RPS6KB1: variants seen among roughly 807,000 people sequenced by gnomAD.
RPS6KB1 encodes the protein ribosomal protein S6 kinase B1.
RPS6KB1 carries 12 observed loss-of-function variants against 70.2 expected under a neutral mutation model. The ratio of observed to expected loss-of-function variants is 0.17; its 90% CI spans 0.11 to 0.28. RPS6KB1 has a LOEUF of 0.28. Ranked by LOEUF, RPS6KB1 falls within the 10% of genes least tolerant of loss-of-function variation. The pLI, the probability that RPS6KB1 is intolerant of heterozygous loss-of-function variation, is 1.00. For synonymous variants in RPS6KB1, 175 were observed against 211.2 expected (o/e 0.83, Z 1.49); for missense variants, 270 against 646.6 (o/e 0.42, Z 6.32).
intron 4 of RPS6KB1, among the ~76,000 whole-genome samples, chr17:59,920,044 G>C (rs2043180362): frequency 6.6e-6 from 1 of 151,556 alleles, no homozygotes; most frequent in Admixed American, 6.6e-5. Context: ...TTATGTGTGT[G>C]TTTGTTTTCT....
intron 1 of RPS6KB1, among the ~76,000 whole-genome samples, chr17:59,910,168 C>T (rs956613747): frequency 6.8e-6 from 1 of 146,342 alleles, no homozygotes; most frequent in Non-Finnish European, 1.5e-5. Flanking sequence ...GTCTGGGTGA[C>T]AGAGTGAGAC....
At chr17:59,911,329 T>C (rs2042619932) in intron 2 of RPS6KB1, among the ~76,000 whole-genome samples, 1 of 152,140 alleles carries the variant, frequency 6.6e-6, no homozygotes, top group South Asian at 2.1e-4. Flanking sequence ...AGCATTTAAA[T>C]GACAGAGACA....
intron 1 of RPS6KB1, among the ~76,000 whole-genome samples, chr17:59,903,162 C>T (rs1302386813): frequency 1.3e-5 from 2 of 151,844 alleles, no homozygotes; most frequent in South Asian, 2.1e-4. Flanking sequence ...AAAAATTAGC[C>T]GGGCGTGGTG....
chr17:59,897,602 A>C (rs988371846), intron 1 of RPS6KB1, among the ~76,000 whole-genome samples: 8 of 152,202 alleles, frequency 5.3e-5, no homozygotes, highest in Non-Finnish European at 1.2e-4. Context: ...TTATTTAATT[A>C]GAGATTAAAA....
chr17:59,947,464 A>G lies in RPS6KB1; in HGVS notation c.*676A>G. 1 of 1,368,754 alleles carries G rather than the reference A, an allele frequency of 7.3e-7. No homozygotes were observed. The highest frequency in any genetic ancestry group is 2.9e-5 in the East Asian group (1 of 34,822). The allele number at this position is 1,368,754 out of a possible 1,614,324, so 84.8% of individuals were successfully genotyped here. ...AAATGCAAATGAATCATTGTTAACC[A>G]CAGCTGTGGCTCGTTTGAGGGATTG... On this transcript the variant is annotated 3_prime_UTR_variant, in exon 15 of 15. Transcript: ENST00000225577.
rs1285669933 is a variant in RPS6KB1 at position 59,950,277 on chromosome 17, A to C, written c.*3489A>C. Reference sequence around the variant, plus strand: ...ATCCCAAGTTCGCTTTGCATCTATCAGTAAATAAAATTCTTCAGCTGCCTT... The same window carrying C: ...ATCCCAAGTTCGCTTTGCATCTATCCGTAAATAAAATTCTTCAGCTGCCTT... On this transcript the variant is annotated 3_prime_UTR_variant, in exon 15 of 15. Coordinates refer to ENST00000225577, the MANE Select transcript of RPS6KB1 (RefSeq NM_003161.4). 1 of 152,598 alleles carries C rather than the reference A, an allele frequency of 6.6e-6. No individual in the cohort carries two copies. Among genetic ancestry groups the C allele is most frequent in the African/African-American group, 2.4e-5 (1 of 41,464 alleles). 9.5% of individuals were successfully genotyped at this position (152,598 alleles called of 1,614,324 possible).
At chr17:59,912,595 T>G in intron 2 of RPS6KB1, 89 bp from the exon 3 acceptor site, 2 of 1,359,492 alleles carry the variant, frequency 1.5e-6, no homozygotes, top group Non-Finnish European at 2.0e-6. Flanking sequence ...TTACTTAGAT[T>G]ACATTTCTCT....
Position 59,935,587 on chromosome 17 carries a change from G to A in RPS6KB1, c.978+287G>A, listed in dbSNP as rs141795068. Among the ~76,000 whole-genome samples the A allele has an allele frequency of 4.7e-3, 709 of 151,556 alleles. 8 individuals carry two copies. The highest frequency in any genetic ancestry group is 0.018 in the South Asian group (86 of 4,794). On this transcript the variant is annotated intron_variant, in intron 10 of 14. Transcript: ENST00000225577. The stretch of plus-strand genomic sequence containing the variant: ...TCTCCCAGGTTCAAGCGATTCTTCC[G>A]CCTCAGCCTCTCAAGTAGCTGGGAT...
Position 59,935,307 on chromosome 17 carries a change from TTC to T in RPS6KB1, c.978+9_978+10del, listed in dbSNP as rs2044164074. 6.8e-7 allele frequency: 1 copy of T among 1,477,092 alleles called. No homozygotes were observed. Among genetic ancestry groups the T allele is most frequent in the Non-Finnish European group, 9.5e-7 (1 of 1,056,416 alleles). The allele number at this position is 1,477,092 out of a possible 1,614,324, so 91.5% of individuals were successfully genotyped here. ...CAGAGATCTGCTTAAAAAGGTAAGGTTCTTAAATGGTCACTGACACTACAAGA... is the reference window on the plus strand; with the variant it reads ...CAGAGATCTGCTTAAAAAGGTAAGGTTTAAATGGTCACTGACACTACAAGA... On this transcript the variant is annotated splice_region_variant and intron_variant, in intron 10 of 14. Transcript: ENST00000225577.
At chr17:59,942,371 A>G (rs2044664942) in intron 13 of RPS6KB1, among the ~76,000 whole-genome samples, 1 of 152,232 alleles carries the variant, frequency 6.6e-6, no homozygotes, top group African/African-American at 2.4e-5. Flanking sequence ...TCAGAAAAGT[A>G]AAGGTTTTTG....
intron 1 of RPS6KB1, among the ~76,000 whole-genome samples, chr17:59,896,824 T>A (rs191218491): frequency 1.1e-4 from 17 of 152,134 alleles, no homozygotes; most frequent in Middle Eastern, 6.8e-3. Flanking sequence ...TTATTTTTTC[T>A]AAGAGGTGCC....
In RPS6KB1 at chr17:59,939,057, T is replaced by A. The variant is rs150081652; in HGVS notation, c.1120-1779T>A. On this transcript the variant is annotated intron_variant, in intron 12 of 14. Coordinates refer to ENST00000225577, the MANE Select transcript of RPS6KB1 (RefSeq NM_003161.4). ...GGAATTCTTTCATAAAGAGAAACTC[T>A]TTGATCAGTTAGTTACCCAAGGTAT... Among the ~76,000 whole-genome samples, 26 of 152,328 alleles carry A rather than the reference T, an allele frequency of 1.7e-4. No individual in the cohort carries two copies. The East Asian group carries it at 2.5e-3, about 15-fold the overall frequency.
At chr17:59,896,108 G>T (rs1384113654) in intron 1 of RPS6KB1, among the ~76,000 whole-genome samples, 1 of 152,142 alleles carries the variant, frequency 6.6e-6, no homozygotes, top group African/African-American at 2.4e-5. Context: ...TTTGGAGCAG[G>T]GCAGGGGAGA....
chr17:59,938,206 T>A (rs2044363863), intron 12 of RPS6KB1, among the ~76,000 whole-genome samples: 3 of 144,412 alleles, frequency 2.1e-5, no homozygotes, highest in Admixed American at 7.0e-5. Context: ...AGGGTCTTTC[T>A]CTGTTGCCCA....
In RPS6KB1 at chr17:59,936,569, G is replaced by C. The variant is rs200931382; in HGVS notation, c.1119+28G>C. ...AAGTATACATGAAAGTGTATAATTGGGTGCAGTGGCTCACGCCTGTAATCC... is the reference window on the plus strand; with the variant it reads ...AAGTATACATGAAAGTGTATAATTGCGTGCAGTGGCTCACGCCTGTAATCC... On this transcript the variant is annotated intron_variant, in intron 12 of 14. Transcript: ENST00000225577. The C allele has an allele frequency of 1.6e-4, 252 of 1,569,954 alleles. 1 individual carries two copies. The African/African-American group carries it at 2.0e-3, about 13-fold the overall frequency.
At chr17:59,904,698 G>T (rs1026029544) in intron 1 of RPS6KB1, among the ~76,000 whole-genome samples, 60 of 122,650 alleles carry the variant, frequency 4.9e-4, no homozygotes, top group African/African-American at 1.4e-3. Context: ...CTGGCATTCT[G>T]TTTTTTTTTT....
chr17:59,932,371 CATT>C (rs2043972980), intron 7 of RPS6KB1, among the ~76,000 whole-genome samples: 1 of 151,864 alleles, frequency 6.6e-6, no homozygotes, highest in Non-Finnish European at 1.5e-5. Flanking sequence ...AAGATCGCGA[CATT>C]ATACTCCAGC....
At chr17:59,929,888 C>T (rs2043840220) in intron 5 of RPS6KB1, among the ~76,000 whole-genome samples, 1 of 152,048 alleles carries the variant, frequency 6.6e-6, no homozygotes, top group South Asian at 2.1e-4. Context: ...GAATTCCAAG[C>T]CAGTTCTAGT....
chr17:59,947,512 C>T lies in RPS6KB1; in HGVS notation c.*724C>T. ...TTGGGGTGGACCTGGGGTTTATTTTCAGTAACCCAGCTGCAATACCTGTCT... is the reference window on the plus strand; with the variant it reads ...TTGGGGTGGACCTGGGGTTTATTTTTAGTAACCCAGCTGCAATACCTGTCT... On this transcript the variant is annotated 3_prime_UTR_variant, in exon 15 of 15. Transcript: ENST00000225577. The T allele has an allele frequency of 1.3e-6, 2 of 1,514,286 alleles. No homozygotes were observed. Among genetic ancestry groups the T allele is most frequent in the Non-Finnish European group, 1.8e-6 (2 of 1,125,720 alleles). 93.8% of individuals were successfully genotyped at this position (1,514,286 alleles called of 1,614,324 possible).
Sources: gnomAD v4.1 joint callset for allele counts (sites outside exome capture counted in the v4.1 genomes callset) on GRCh38, gnomAD v4.1.1 for gene constraint, MANE v1.5 for transcripts, NCBI Gene and HGNC (gene_info 2026-07-23, HGNC 2026-07-21) for gene names.